Variants in DIAPH3 observed in about 807,000 individuals in gnomAD.
The protein encoded by DIAPH3 is protein diaphanous homolog 3.
A neutral mutation model predicts 144.3 loss-of-function variants in DIAPH3; 117 were observed. The observed-to-expected ratio is 0.81, with a 90% CI of 0.70 to 0.95. DIAPH3 has a LOEUF of 0.95. DIAPH3 is among the 40% of genes least tolerant of loss of function. DIAPH3 has a pLI of 0.00. For synonymous variants in DIAPH3, 519 were observed against 488.9 expected, an observed-to-expected ratio of 1.06 and a Z score of -0.81; for missense variants, 1,421 against 1,412.7, an observed-to-expected ratio of 1.01 and a Z score of -0.09.
intron 17 of DIAPH3, 105 bp downstream of exon 17, chr13:59,969,839 C>A: frequency 1.5e-6 from 1 of 656,226 alleles, no homozygotes; most frequent in Non-Finnish European, 2.5e-6. Flanking sequence ...GTAAAAATAA[C>A]ATGTACAGGA....
intron 27 of DIAPH3, among the ~76,000 whole-genome samples, chr13:59,748,221 G>A (rs2036801313): frequency 1.3e-5 from 2 of 152,190 alleles, no homozygotes; most frequent in Non-Finnish European, 2.9e-5. Context: ...CTACATTCCA[G>A]TTTTAGGCCC....
At chr13:60,150,178 C>G (rs117334740) in intron 1 of DIAPH3, among the ~76,000 whole-genome samples, 8 of 152,076 alleles carry the variant, frequency 5.3e-5, no homozygotes, top group Non-Finnish European at 8.8e-5. Context: ...TGCACCACCA[C>G]GCCAGGCTAA....
chr13:59,883,456 T>C (rs945475658), intron 20 of DIAPH3, among the ~76,000 whole-genome samples: 1 of 152,176 alleles, frequency 6.6e-6, no homozygotes, highest in Non-Finnish European at 1.5e-5. Context: ...TATTCTTTTT[T>C]ATTCTTCCCT....
At chr13:59,896,630 C>T (rs1022734035) in intron 20 of DIAPH3, among the ~76,000 whole-genome samples, 5 of 152,004 alleles carry the variant, frequency 3.3e-5, no homozygotes, top group African/African-American at 1.2e-4. Context: ...AACATACTTC[C>T]GTAACAACTA....
At chr13:59,965,092 C>T (rs1286198650) in intron 17 of DIAPH3, among the ~76,000 whole-genome samples, 3 of 152,098 alleles carry the variant, frequency 2.0e-5, no homozygotes, top group East Asian at 1.9e-4. Context: ...TCTTGAACAC[C>T]GCCAAGTTGC....
chr13:60,061,812 C>T (rs1289555399), intron 4 of DIAPH3, among the ~76,000 whole-genome samples: 2 of 152,046 alleles, frequency 1.3e-5, no homozygotes, highest in African/African-American at 2.4e-5. Context: ...CAAAACCTAC[C>T]TTTCCAACCT....
intron 20 of DIAPH3, among the ~76,000 whole-genome samples, chr13:59,897,004 G>A (rs2046140813): frequency 6.6e-6 from 1 of 152,056 alleles, no homozygotes; most frequent in African/African-American, 2.4e-5. Flanking sequence ...GTGTCTACTT[G>A]AAAGCCAAAG....
chr13:59,929,654 C>T (rs1301747034), intron 17 of DIAPH3, among the ~76,000 whole-genome samples: 2 of 148,950 alleles, frequency 1.3e-5, no homozygotes, highest in Non-Finnish European at 3.0e-5. Flanking sequence ...CCTCCGCCTC[C>T]CAGGTTCAAG....
At chr13:59,748,324 T>C (rs2036807947) in intron 27 of DIAPH3, among the ~76,000 whole-genome samples, 2 of 152,160 alleles carry the variant, frequency 1.3e-5, no homozygotes, top group South Asian at 4.1e-4. Flanking sequence ...GGCTTGATCA[T>C]TACGGAAATC....
chr13:60,103,079 G>A (rs1261568528), intron 3 of DIAPH3, among the ~76,000 whole-genome samples: 3 of 151,902 alleles, frequency 2.0e-5, no homozygotes, highest in Non-Finnish European at 4.4e-5. Flanking sequence ...TGTTTTTAGG[G>A]ACCCTAACTC....
At chr13:59,709,933 A>G (rs1279838527) in intron 27 of DIAPH3, among the ~76,000 whole-genome samples, 1 of 152,130 alleles carries the variant, frequency 6.6e-6, no homozygotes, top group Non-Finnish European at 1.5e-5. Flanking sequence ...TGATGAGTTC[A>G]TGTCCTTTGT....
At chr13:60,003,011 T>G (rs1368900442) in intron 9 of DIAPH3, among the ~76,000 whole-genome samples, 1 of 152,112 alleles carries the variant, frequency 6.6e-6, no homozygotes, top group Non-Finnish European at 1.5e-5. Flanking sequence ...CTTATCCCAG[T>G]CCTTTTCTAC....
intron 2 of DIAPH3, among the ~76,000 whole-genome samples, chr13:60,123,952 CA>C (rs1440382620): frequency 6.6e-6 from 1 of 152,106 alleles, no homozygotes; most frequent in Non-Finnish European, 1.5e-5. Context: ...TAAAGTTAGG[CA>C]CAAATTCAGG....
intron 1 of DIAPH3, chr13:60,147,178 G>A (rs1951566979): frequency 6.6e-6 from 1 of 151,776 alleles, no homozygotes; most frequent in African/African-American, 2.4e-5. Flanking sequence ...GAAGAACTAG[G>A]AAAAAAAATG....
At chr13:59,849,905 G>A (rs1391415394) in intron 22 of DIAPH3, among the ~76,000 whole-genome samples, 1 of 145,672 alleles carries the variant, frequency 6.9e-6, no homozygotes, top group Admixed American at 7.0e-5. Context: ...AAATTACCTT[G>A]GGCAGTATGG....
intron 17 of DIAPH3, among the ~76,000 whole-genome samples, chr13:59,937,176 C>CATA (rs2048309453): frequency 6.7e-6 from 1 of 150,186 alleles, no homozygotes. Flanking sequence ...AAAAAAAAAA[C>CATA]ATAATAATAA....
chr13:59,767,152 C>T (rs750397523), intron 27 of DIAPH3, among the ~76,000 whole-genome samples: 7 of 152,234 alleles, frequency 4.6e-5, no homozygotes, highest in Admixed American at 1.3e-4. Context: ...GTACACATGA[C>T]GTCATTTCCT....
intron 27 of DIAPH3, among the ~76,000 whole-genome samples, chr13:59,707,572 A>G (rs909508818): frequency 1.3e-5 from 2 of 152,228 alleles, no homozygotes; most frequent in African/African-American, 4.8e-5. Flanking sequence ...CAAAGTTTAT[A>G]ACTTAGAAGA....
chr13:60,047,640 A>C (rs1394493550), intron 4 of DIAPH3, among the ~76,000 whole-genome samples: 12 of 152,204 alleles, frequency 7.9e-5, no homozygotes, highest in Admixed American at 7.9e-4. Context: ...CCTGGATCCT[A>C]GACCTAAAAG....
Sources: allele counts gnomAD v4.1 joint callset (sites outside exome capture counted in the v4.1 genomes callset), GRCh38; gene constraint gnomAD v4.1.1; transcripts MANE v1.5; gene names NCBI Gene and HGNC (gene_info 2026-07-23, HGNC 2026-07-21).